Variants in XKR6 observed in about 807,000 individuals in gnomAD.
The protein encoded by XKR6 is XK related 6.
In XKR6, 22 loss-of-function variants were observed where a neutral mutation model predicts 56.7. The observed-to-expected ratio is 0.39, with a 90% CI of 0.28 to 0.55. The LOEUF is 0.55. Among genes scored for constraint, XKR6 ranks in the 20% least tolerant of loss-of-function variants. The pLI, the probability that XKR6 is intolerant of heterozygous loss-of-function variation, is 0.66. For synonymous variants in XKR6, 524 were observed against 387.8 expected (o/e 1.35, Z -4.13); for missense variants, 852 against 889.0 (o/e 0.96, Z 0.53).
chr8:11,015,966 T>C (rs1488086933), intron 1 of XKR6, among the ~76,000 whole-genome samples: 1 of 152,068 alleles, frequency 6.6e-6, no homozygotes, highest in Admixed American at 6.5e-5. Context: ...GCGGGCTCCA[T>C]GAGGGCGGGC....
intron 1 of XKR6, among the ~76,000 whole-genome samples, chr8:11,169,339 T>C (rs1302165406): frequency 6.6e-6 from 1 of 152,200 alleles, no homozygotes; most frequent in East Asian, 1.9e-4. Context: ...ACTGCTACAT[T>C]GTGGTGCATT....
chr8:11,191,815 G>C (rs1469561676), intron 1 of XKR6, among the ~76,000 whole-genome samples: 1 of 152,164 alleles, frequency 6.6e-6, no homozygotes, highest in East Asian at 1.9e-4. Context: ...AAATTTGCTG[G>C]GGACAACTAG....
At chr8:11,120,842 T>G (rs1244981345) in intron 1 of XKR6, among the ~76,000 whole-genome samples, 1 of 152,266 alleles carries the variant, frequency 6.6e-6, no homozygotes. Flanking sequence ...AACAGAGATA[T>G]AGACCAATGG....
At chr8:11,048,955 C>T (rs1386361018) in intron 1 of XKR6, among the ~76,000 whole-genome samples, 1 of 152,206 alleles carries the variant, frequency 6.6e-6, no homozygotes, top group Non-Finnish European at 1.5e-5. Flanking sequence ...TGCACAGTGG[C>T]TGAGGTGGCT....
chr8:11,051,547 C>CA (rs1054847759), intron 1 of XKR6, among the ~76,000 whole-genome samples: 11 of 152,038 alleles, frequency 7.2e-5, no homozygotes, highest in Admixed American at 5.2e-4. Flanking sequence ...TTGCTCAAGC[C>CA]AAAAAAATAA....
At chr8:10,971,374 T>C (rs1284562790) in intron 1 of XKR6, among the ~76,000 whole-genome samples, 2 of 151,894 alleles carry the variant, frequency 1.3e-5, no homozygotes, top group African/African-American at 4.8e-5. Context: ...TGAGCCAAGA[T>C]CGCACCACTG....
At chr8:11,183,073 C>T (rs1326886618) in intron 1 of XKR6, among the ~76,000 whole-genome samples, 1 of 152,118 alleles carries the variant, frequency 6.6e-6, no homozygotes, top group Non-Finnish European at 1.5e-5. Flanking sequence ...TGAAACATTC[C>T]TTTGAATGCG....
chr8:11,154,667 G>A (rs1431208337), intron 1 of XKR6, among the ~76,000 whole-genome samples: 6 of 152,206 alleles, frequency 3.9e-5, no homozygotes. Flanking sequence ...ATGCTGGAAA[G>A]GTATCAGTCA....
At chr8:10,965,810 C>A (rs1053182187) in intron 1 of XKR6, among the ~76,000 whole-genome samples, 9 of 152,242 alleles carry the variant, frequency 5.9e-5, no homozygotes, top group African/African-American at 2.2e-4. Context: ...TCCGACCGTT[C>A]ACACAACGGA....
In XKR6 at chr8:10,986,099, G is replaced by A. The variant is rs1797858217; in HGVS notation, c.765-61269C>T. 2.0e-5 allele frequency among the ~76,000 whole-genome samples: 3 copies of A among 152,322 alleles called. No homozygotes were observed. In the South Asian group the frequency reaches 6.2e-4, roughly 32 times the overall value. The stretch of plus-strand genomic sequence containing the variant: ...CATAAAAGATGTAGACAGATCTACT[G>A]GAGATATTACAAAGACCAGAAACAG... On this transcript the variant is annotated intron_variant, in intron 1 of 2. Transcript: ENST00000416569.
chr8:11,041,152 C>T (rs377064212), intron 1 of XKR6, among the ~76,000 whole-genome samples: 41 of 152,252 alleles, frequency 2.7e-4, no homozygotes, highest in African/African-American at 9.4e-4. Context: ...GTGTACCGTA[C>T]ATCCCTGAAA....
chr8:11,100,091 G>A (rs1247628984), intron 1 of XKR6, among the ~76,000 whole-genome samples: 6 of 152,030 alleles, frequency 3.9e-5, no homozygotes. Context: ...TAACTCTGTC[G>A]CCCAGGGTGG....
chr8:11,009,331 A>G (rs1462925394), intron 1 of XKR6, among the ~76,000 whole-genome samples: 1 of 152,070 alleles, frequency 6.6e-6, no homozygotes, highest in Non-Finnish European at 1.5e-5. Context: ...GGTAACATGG[A>G]GAGACCCTGT....
At chr8:11,034,988 C>T (rs1206618954) in intron 1 of XKR6, among the ~76,000 whole-genome samples, 8 of 152,226 alleles carry the variant, frequency 5.3e-5, no homozygotes, top group Non-Finnish European at 1.2e-4. Flanking sequence ...AGACTGCCAG[C>T]CAGTGCCCTG....
chr8:11,177,518 C>T (rs556218376), intron 1 of XKR6, among the ~76,000 whole-genome samples: 1 of 152,242 alleles, frequency 6.6e-6, no homozygotes, highest in South Asian at 2.1e-4. Context: ...CAGAACATGA[C>T]CGAATTTGGA....
chr8:10,963,863 A>T (rs1802136495), intron 1 of XKR6, among the ~76,000 whole-genome samples: 1 of 152,228 alleles, frequency 6.6e-6, no homozygotes, highest in South Asian at 2.1e-4. Flanking sequence ...TTGCTGAACG[A>T]ATGAATGATG....
chr8:10,923,667 C>T (rs149907937), intron 2 of XKR6, among the ~76,000 whole-genome samples: 2 of 152,362 alleles, frequency 1.3e-5, no homozygotes, highest in African/African-American at 2.4e-5. Context: ...TGCCAGACCA[C>T]ATTGGTGAGG....
At chr8:11,027,266 T>C (rs1798891518) in intron 1 of XKR6, among the ~76,000 whole-genome samples, 1 of 152,230 alleles carries the variant, frequency 6.6e-6, no homozygotes, top group Non-Finnish European at 1.5e-5. Flanking sequence ...TCCTCATATA[T>C]GCAGTCCACC....
At chr8:11,072,038 G>C (rs1428636546) in intron 1 of XKR6, among the ~76,000 whole-genome samples, 1 of 152,162 alleles carries the variant, frequency 6.6e-6, no homozygotes, top group Non-Finnish European at 1.5e-5. Flanking sequence ...GTGTCCAAAA[G>C]CCAGTGTGTG....
Sources: allele counts gnomAD v4.1 joint callset (sites outside exome capture counted in the v4.1 genomes callset), GRCh38; gene constraint gnomAD v4.1.1; transcripts MANE v1.5; gene names NCBI Gene and HGNC (gene_info 2026-07-23, HGNC 2026-07-21).